The following ERH variants were observed in gnomAD, a reference collection of about 807,000 sequenced individuals.
The protein encoded by ERH is enhancer of rudimentary homolog.
A neutral mutation model predicts 16.8 loss-of-function variants in ERH; 1 was observed. The observed-to-expected ratio is 0.06, with a 90% CI of 0.02 to 0.28. The LOEUF (loss-of-function observed/expected upper bound fraction) is 0.28. Among genes scored for constraint, ERH ranks in the 10% least tolerant of loss-of-function variants. ERH has a pLI of 1.00. For synonymous variants in ERH, 43 were observed against 43.6 expected (o/e 0.99, Z 0.05); for missense variants, 42 against 127.5 (o/e 0.33, Z 3.23).
At position 69,398,175 on chromosome 14, in the gene ERH, G is replaced by A. The variant is rs537803016; in HGVS notation, c.3+56C>T. On this transcript the variant is annotated intron_variant, in intron 1 of 3. Transcript: ENST00000557016. ...GGGGAGGGGAAAACGTATGGGGCTG[G>A]GGTCGCTCTGGAGGCCGGGGACTCG... is the stretch of plus-strand genomic sequence containing the variant. 2.5e-6 allele frequency: 4 copies of A among 1,610,598 alleles called. No individual in the cohort carries two copies. The African/African-American group carries it at 5.3e-5, about 22-fold the overall frequency.
chr14:69,389,268 C>CCACCCGCGTCGGCCTCCCAAAGTG (rs2045910360), intron 2 of ERH, among the ~76,000 whole-genome samples: 1 of 152,144 alleles, frequency 6.6e-6, no homozygotes, highest in Non-Finnish European at 1.5e-5. Context: ...CTCAGGTGAT[C>CCACCCGCGTCGGCCTCCCAAAGTG]CACCCGCGTC....
In ERH at chr14:69,380,275, A is replaced by T. The variant is rs945647124; in HGVS notation, c.*263T>A. ...ATGAACAGTTGAAGGACTGGAACCA[A>T]CATTAAGTGACGAAGAACAACTTCC... On this transcript the variant is annotated 3_prime_UTR_variant, in exon 4 of 4. Transcript: ENST00000557016. The T allele has an allele frequency of 2.9e-6, 1 of 349,750 alleles. No individual in the cohort carries two copies. Among genetic ancestry groups the T allele is most frequent in the African/African-American group, 2.1e-5 (1 of 47,534 alleles). The allele number at this position is 349,750 out of a possible 1,614,324, so 21.7% of individuals were successfully genotyped here.
chr14:69,392,725 T>C (rs1882245935), intron 2 of ERH, among the ~76,000 whole-genome samples: 1 of 152,234 alleles, frequency 6.6e-6, no homozygotes, highest in South Asian at 2.1e-4. Flanking sequence ...GGTTCACCAC[T>C]GTTACAAATG....
chr14:69,387,032 G>T lies in ERH; in HGVS notation c.143C>A (p.Pro48His). The stretch of plus-strand genomic sequence containing the variant: ...CTGACTGATGTCATATGTGATAGAG[G>T]GACTGTTGGGATTCATTCTTTTCAG... Reference protein sequence around the residue: ...EHLKRMNPNSPSITYDISQLF... With the variant: ...EHLKRMNPNSHSITYDISQLF... Residue 48 changes from proline (P) to histidine (H), a missense_variant, in exon 3 of 4, where the codon CCC becomes CAC. Transcript: ENST00000557016. 6.2e-7 allele frequency: 1 copy of T among 1,613,496 alleles called. No homozygotes were observed.
At chr14:69,386,317 AAT>A (rs2045892813) in intron 3 of ERH, among the ~76,000 whole-genome samples, 1 of 152,234 alleles carries the variant, frequency 6.6e-6, no homozygotes, top group Non-Finnish European at 1.5e-5. Flanking sequence ...CCTGACATGT[AAT>A]AAATATTCAA....
At chr14:69,389,090 G>A (rs561964683) in intron 2 of ERH, among the ~76,000 whole-genome samples, 2 of 151,596 alleles carry the variant, frequency 1.3e-5, no homozygotes, top group East Asian at 1.9e-4. Flanking sequence ...GCACAATCTC[G>A]GCTCACTGCA....
At chr14:69,396,052 G>GAGA (rs1264943405) in intron 1 of ERH, among the ~76,000 whole-genome samples, 2 of 152,226 alleles carry the variant, frequency 1.3e-5, no homozygotes, top group Admixed American at 1.3e-4. Context: ...TCATCCAGCT[G>GAGA]AGAATTCACT....
intron 3 of ERH, among the ~76,000 whole-genome samples, chr14:69,386,455 T>C (rs1292241010): frequency 1.3e-5 from 2 of 152,266 alleles, no homozygotes; most frequent in African/African-American, 2.4e-5. Flanking sequence ...TAACACTTTA[T>C]GCTCCTTGTT....
intron 1 of ERH, among the ~76,000 whole-genome samples, chr14:69,395,325 T>A (rs1882311372): frequency 6.6e-6 from 1 of 152,170 alleles, no homozygotes; most frequent in Non-Finnish European, 1.5e-5. Context: ...TAGGATACTT[T>A]TCCCACAAAA....
intron 1 of ERH, 66 bp from the exon 2 acceptor site, chr14:69,394,978 A>G: frequency 8.4e-7 from 1 of 1,185,264 alleles, no homozygotes; most frequent in Non-Finnish European, 1.2e-6. Flanking sequence ...GATAAAAAAA[A>G]ATCCCCATTT....
At chr14:69,384,513 A>T (rs1157729116) in intron 3 of ERH, among the ~76,000 whole-genome samples, 2 of 152,226 alleles carry the variant, frequency 1.3e-5, no homozygotes, top group Non-Finnish European at 2.9e-5. Context: ...CTTTGCTTCA[A>T]GTTTACTTCC....
At chr14:69,396,960 T>C (rs556849635) in intron 1 of ERH, among the ~76,000 whole-genome samples, 1 of 152,256 alleles carries the variant, frequency 6.6e-6, no homozygotes, top group African/African-American at 2.4e-5. Context: ...GCAACAGAGG[T>C]TGCCCTATAC....
chr14:69,387,094 A>G lies in ERH; in HGVS notation c.92-11T>C, dbSNP rs1246495830. 3 of 1,612,134 alleles carry G rather than the reference A, an allele frequency of 1.9e-6. No individual in the cohort carries two copies. Among genetic ancestry groups the G allele is most frequent in the Non-Finnish European group, 2.5e-6 (3 of 1,179,174 alleles). On this transcript the variant is annotated splice_polypyrimidine_tract_variant and intron_variant, in intron 2 of 3. Transcript: ENST00000557016. ...ACATTTTACAAACACCTAAGAAAGG[A>G]TAGGAAAAAAAGCAAAATCTTACAA... is the stretch of plus-strand genomic sequence containing the variant.
chr14:69,397,075 C>G (rs1447461222), intron 1 of ERH, among the ~76,000 whole-genome samples: 1 of 152,160 alleles, frequency 6.6e-6, no homozygotes, highest in Non-Finnish European at 1.5e-5. Flanking sequence ...CAGCATGTTG[C>G]TTTTTATATC....
chr14:69,380,302 T>A lies in ERH; in HGVS notation c.*236A>T. On this transcript the variant is annotated 3_prime_UTR_variant, in exon 4 of 4. Transcript: ENST00000557016. Reference sequence around the variant, plus strand: ...ATTAAGTGACGAAGAACAACTTCCATCTAAATCATCATAAAAATGTTTAAG... The same window carrying A: ...ATTAAGTGACGAAGAACAACTTCCAACTAAATCATCATAAAAATGTTTAAG... 2.6e-6 allele frequency: 1 copy of A among 390,480 alleles called. No homozygotes were observed. The highest frequency in any genetic ancestry group is 3.8e-5 in the East Asian group (1 of 26,034). 24.2% of individuals were successfully genotyped at this position (390,480 alleles called of 1,614,324 possible).
intron 2 of ERH, among the ~76,000 whole-genome samples, chr14:69,392,160 A>AG (rs1882227680): frequency 6.7e-6 from 1 of 148,332 alleles, no homozygotes; most frequent in Non-Finnish European, 1.5e-5. Context: ...CTTAAAAAAA[A>AG]GGGGGGAGGA....
At chr14:69,383,652 T>A (rs2045875773) in intron 3 of ERH, among the ~76,000 whole-genome samples, 1 of 152,240 alleles carries the variant, frequency 6.6e-6, no homozygotes, top group Admixed American at 6.5e-5. Context: ...CAAGCTATGA[T>A]AATTTACGGT....
At chr14:69,396,435 CT>C (rs1352885804) in intron 1 of ERH, among the ~76,000 whole-genome samples, 1 of 152,152 alleles carries the variant, frequency 6.6e-6, no homozygotes, top group African/African-American at 2.4e-5. Context: ...CTAATTTTGT[CT>C]TTTTAGTAGA....
intron 2 of ERH, among the ~76,000 whole-genome samples, chr14:69,389,692 AAAG>A (rs1391435590): frequency 6.6e-6 from 1 of 152,206 alleles, no homozygotes; most frequent in African/African-American, 2.4e-5. Context: ...ACAGCGTAAA[AAAG>A]AATAAAATTC....
Sources: allele counts gnomAD v4.1 joint callset (sites outside exome capture counted in the v4.1 genomes callset), GRCh38; gene constraint gnomAD v4.1.1; transcripts MANE v1.5; gene names NCBI Gene and HGNC (gene_info 2026-07-23, HGNC 2026-07-21).